KATNAL2: variants seen among roughly 807,000 people sequenced by gnomAD.
KATNAL2 encodes the protein katanin catalytic subunit A1 like 2, also known as katanin p60 ATPase-containing subunit A-like 2.
Under a neutral mutation model 76.3 loss-of-function variants are expected in KATNAL2, and 52 were observed. That is an observed-to-expected ratio of 0.68 (90% CI 0.55 to 0.86). The LOEUF is 0.86. Ranked by LOEUF, KATNAL2 falls within the 40% of genes least tolerant of loss-of-function variation. KATNAL2 has a pLI of 0.00. For synonymous variants in KATNAL2, 243 were observed against 244.2 expected, an observed-to-expected ratio of 1.00 and a Z score of 0.05; for missense variants, 660 against 668.9, an observed-to-expected ratio of 0.99 and a Z score of 0.15.
chr18:47,073,995 T>TTA (rs1019661867), intron 13 of KATNAL2, among the ~76,000 whole-genome samples: 25 of 152,330 alleles, frequency 1.6e-4, no homozygotes, highest in African/African-American at 4.8e-4. Context: ...TGTACGGGTT[T>TTA]TATATTCTAA....
At chr18:47,033,936 C>G in intron 3 of KATNAL2, 1 of 1,612,902 alleles carries the variant, frequency 6.2e-7, no homozygotes, top group Non-Finnish European at 8.5e-7. Flanking sequence ...CAGCGCCGGC[C>G]GCCTGCAGCC....
intron 3 of KATNAL2, chr18:47,034,132 TG>T: frequency 1.2e-6 from 2 of 1,614,232 alleles, no homozygotes; most frequent in Non-Finnish European, 1.7e-6. Context: ...CAGAGTGGGC[TG>T]CTCGAATTCC....
intron 3 of KATNAL2, among the ~76,000 whole-genome samples, chr18:47,031,521 C>T (rs1039348132): frequency 6.6e-6 from 1 of 151,966 alleles, no homozygotes; most frequent in Non-Finnish European, 1.5e-5. Flanking sequence ...GGGTGTTAAG[C>T]CTTTTCTTAT....
chr18:47,085,575 T>A (rs2062733458), intron 15 of KATNAL2, among the ~76,000 whole-genome samples: 1 of 152,106 alleles, frequency 6.6e-6, no homozygotes, highest in African/African-American at 2.4e-5. Flanking sequence ...TTTGCATTTC[T>A]GATGACCCAC....
At chr18:47,034,234 C>A in intron 3 of KATNAL2, 1 of 1,613,922 alleles carries the variant, frequency 6.2e-7, no homozygotes. Context: ...TTGAGTCTCT[C>A]GGTCGTTGGA....
At chr18:47,078,419 A>C (rs533765526) in intron 15 of KATNAL2, among the ~76,000 whole-genome samples, 1 of 152,314 alleles carries the variant, frequency 6.6e-6, no homozygotes, top group South Asian at 2.1e-4. Context: ...TTGAATCTAG[A>C]ATACTTTCTC....
rs994117651 is a variant in KATNAL2, at chr18:47,085,179, T to C, written c.1211+7718T>C. On this transcript the variant is annotated intron_variant, in intron 15 of 17. Coordinates refer to ENST00000683218, the MANE Select transcript of KATNAL2 (RefSeq NM_001387690.1). ...TTTCCTGGGACCCTTCCTTGGCTCA[T>C]GGAGAGTCCCCAGCAATGTCCTCAT... Among the ~76,000 whole-genome samples the C allele has an allele frequency of 2.6e-5, 4 of 152,224 alleles. No individual in the cohort carries two copies. In the East Asian group the frequency reaches 5.8e-4, roughly 22 times the overall value.
rs1337257429 is a variant in KATNAL2, at chr18:46,929,400, G to A, written c.-510+11474G>A. ...TGGGCCTACAGGTGTGTGCCACCAT[G>A]CCCAGCAAATTGTTGTATTTTTAGT... On this transcript the variant is annotated intron_variant, in intron 1 of 17. Coordinates refer to ENST00000683218, the MANE Select transcript of KATNAL2 (RefSeq NM_001387690.1). Among the ~76,000 whole-genome samples, 7 of 151,970 alleles carry A rather than the reference G, an allele frequency of 4.6e-5. No individual in the cohort carries two copies. In the East Asian group the frequency reaches 1.4e-3, roughly 30 times the overall value.
intron 10 of KATNAL2, among the ~76,000 whole-genome samples, chr18:47,064,782 A>T (rs968601593): frequency 1.6e-4 from 25 of 152,134 alleles, no homozygotes; most frequent in African/African-American, 6.0e-4. Flanking sequence ...GGAGGTAGAA[A>T]CCCTGCTCCT....
chr18:47,053,017 C>A lies in KATNAL2; in HGVS notation c.260C>A (p.Pro87His), dbSNP rs771997611. 6.2e-7 allele frequency: 1 copy of A among 1,605,120 alleles called. No individual in the cohort carries two copies. Among genetic ancestry groups the A allele is most frequent in the Non-Finnish European group, 8.5e-7 (1 of 1,176,460 alleles). The change falls in exon 5 of 18, where the codon CCC becomes CAC. Residue 87 changes from proline to histidine, a missense_variant. Physicochemically the swap from Pro to His is moderately conservative, Grantham distance 77 (BLOSUM62 -2). Coordinates refer to ENST00000683218, the MANE Select transcript of KATNAL2 (RefSeq NM_001387690.1). ...SYYFVKFQKY[P>H]KIVKKSSDTA... is the part of the protein sequence containing the mutation. The stretch of plus-strand genomic sequence containing the variant: ...TATTTTGTAAAATTTCAGAAATACC[C>A]CAAAATTGTCAAAAAGTCATCAGAC...
Position 47,085,208 on chromosome 18 carries a change from C to T in KATNAL2, c.1211+7747C>T, listed in dbSNP as rs565628298. ...GAGTCCCCAGCAATGTCCTCATGGT[C>T]TTCATTTTTGCAAAATTTGTGAAAT... On this transcript the variant is annotated intron_variant, in intron 15 of 17. Coordinates refer to ENST00000683218, the MANE Select transcript of KATNAL2 (RefSeq NM_001387690.1). Among the ~76,000 whole-genome samples the T allele has an allele frequency of 6.6e-4, 101 of 152,256 alleles. 1 individual carries two copies. The highest frequency in any genetic ancestry group is 7.9e-4 in the Admixed American group (12 of 15,286).
intron 3 of KATNAL2, among the ~76,000 whole-genome samples, chr18:47,036,267 C>G (rs760872501): frequency 6.6e-6 from 1 of 152,196 alleles, no homozygotes; most frequent in Non-Finnish European, 1.5e-5. Context: ...AATGCTACAG[C>G]AAGAACTTTT....
chr18:47,072,313 A>G (rs1326330211), intron 13 of KATNAL2, among the ~76,000 whole-genome samples: 1 of 152,110 alleles, frequency 6.6e-6, no homozygotes, highest in Non-Finnish European at 1.5e-5. Context: ...AAAAAGTATA[A>G]GAGGATACAC....
rs1336594711 is a variant in KATNAL2, at chr18:47,035,463, AGC to A, written c.52-10993_52-10992del. The A allele has an allele frequency of 9.6e-5, 113 of 1,182,584 alleles. 1 individual carries two copies. In the African/African-American group the frequency reaches 1.3e-3, roughly 13 times the overall value. 73.3% of individuals were successfully genotyped at this position (1,182,584 alleles called of 1,614,324 possible). The stretch of plus-strand genomic sequence containing the variant: ...GTCTGGAACGGCCGTCCTTGCAGAC[AGC>A]TGAGCAGGCCCGCTTTTGTTCCTCG... On this transcript the variant is annotated intron_variant, in intron 3 of 17. Transcript: ENST00000683218.
chr18:47,050,819 A>G (rs1346731005), intron 4 of KATNAL2, among the ~76,000 whole-genome samples: 1 of 152,232 alleles, frequency 6.6e-6, no homozygotes, highest in Non-Finnish European at 1.5e-5. Flanking sequence ...GGGTGACGTG[A>G]GCTGGACTTA....
chr18:47,048,777 T>G (rs2061243003), intron 4 of KATNAL2, among the ~76,000 whole-genome samples: 1 of 151,968 alleles, frequency 6.6e-6, no homozygotes, highest in Non-Finnish European at 1.5e-5. Context: ...GTGGGGCTTG[T>G]TGTCATAGGG....
At chr18:47,051,936 A>G (rs1342242064) in intron 4 of KATNAL2, among the ~76,000 whole-genome samples, 3 of 152,308 alleles carry the variant, frequency 2.0e-5, no homozygotes, top group East Asian at 3.9e-4. Context: ...GAGGGCTACT[A>G]AAAAAGAAAG....
intron 1 of KATNAL2, among the ~76,000 whole-genome samples, chr18:46,926,644 A>G (rs1445367782): frequency 6.6e-6 from 1 of 152,108 alleles, no homozygotes; most frequent in Non-Finnish European, 1.5e-5. Flanking sequence ...TATCCTTGCT[A>G]ACTTTCTGTC....
At position 47,064,784 on chromosome 18, in the gene KATNAL2, C is replaced by T. The variant is rs562685730; in HGVS notation, c.726+1423C>T. On this transcript the variant is annotated intron_variant, in intron 10 of 17. Transcript: ENST00000683218. ...CTATAGTAGCATAGGAGGTAGAAACCCTGCTCCTGCTTGAATGCTTACAGT... is the reference window on the plus strand; with the variant it reads ...CTATAGTAGCATAGGAGGTAGAAACTCTGCTCCTGCTTGAATGCTTACAGT... Among the ~76,000 whole-genome samples, 123 of 152,078 alleles carry T rather than the reference C, an allele frequency of 8.1e-4. 1 individual carries two copies. The highest frequency in any genetic ancestry group is 3.4e-3 in the Middle Eastern group (1 of 294).
Sources: gnomAD v4.1 joint callset for allele counts (sites outside exome capture counted in the v4.1 genomes callset) on GRCh38, gnomAD v4.1.1 for gene constraint, MANE v1.5 for transcripts, NCBI Gene and HGNC (gene_info 2026-07-23, HGNC 2026-07-21) for gene names.